PDE3A: variants seen among roughly 807,000 people sequenced by gnomAD.
PDE3A encodes cGMP-inhibited 3',5'-cyclic phosphodiesterase 3A.
Under a neutral mutation model 98.3 loss-of-function variants are expected in PDE3A, and 43 were observed. The observed-to-expected ratio is 0.44, with a 90% CI of 0.34 to 0.56. PDE3A has a LOEUF of 0.56. Ranked by LOEUF, PDE3A falls within the 20% of genes least tolerant of loss-of-function variation. PDE3A has a pLI of 0.01. For synonymous variants in PDE3A, 663 were observed against 567.9 expected, an observed-to-expected ratio of 1.17 and a Z score of -2.38; for missense variants, 1,427 against 1,440.7, an observed-to-expected ratio of 0.99 and a Z score of 0.15.
At chr12:20,588,784 G>T (rs1943249467) in intron 2 of PDE3A, among the ~76,000 whole-genome samples, 1 of 152,162 alleles carries the variant, frequency 6.6e-6, no homozygotes, top group East Asian at 1.9e-4. Flanking sequence ...CTCAGAAGCT[G>T]ACCCTGGGGA....
At chr12:20,391,674 G>A (rs1943918024) in intron 1 of PDE3A, among the ~76,000 whole-genome samples, 1 of 151,582 alleles carries the variant, frequency 6.6e-6, no homozygotes, top group Admixed American at 6.6e-5. Flanking sequence ...TAAAGGTAGA[G>A]CTCAATTTAT....
At chr12:20,558,338 T>G (rs1380731538) in intron 2 of PDE3A, among the ~76,000 whole-genome samples, 1 of 152,056 alleles carries the variant, frequency 6.6e-6, no homozygotes, top group African/African-American at 2.4e-5. Context: ...CAAAAGCTAT[T>G]TTCATAAATA....
Position 20,634,988 on chromosome 12 carries a change from T to A in PDE3A, c.1933T>A (p.Cys645Ser), listed in dbSNP as rs774567664. The change falls in exon 8 of 16, where the codon TGC becomes AGC. Residue 645 changes from cysteine to serine, a missense_variant. Physicochemically the swap from Cys to Ser is moderately radical, Grantham distance 112. Transcript: ENST00000359062. ...DIVQNEDETECLREPLRKASA... is the reference protein window; with the variant it reads ...DIVQNEDETESLREPLRKASA... ...TGTACAGAATGAAGATGAAACAGAG[T>A]GCCTGAGAGAGCCTCTGAGGAAAGC... 1.9e-6 allele frequency: 3 copies of A among 1,612,864 alleles called. No individual in the cohort carries two copies. The highest frequency in any genetic ancestry group is 2.5e-6 in the Non-Finnish European group (3 of 1,178,952).
At chr12:20,512,354 C>A (rs542330307) in intron 1 of PDE3A, among the ~76,000 whole-genome samples, 1 of 151,906 alleles carries the variant, frequency 6.6e-6, no homozygotes, top group Non-Finnish European at 1.5e-5. Flanking sequence ...ACAAAAAATC[C>A]GCTCTGCAAA....
intron 1 of PDE3A, among the ~76,000 whole-genome samples, chr12:20,454,397 AC>A: frequency 6.6e-6 from 1 of 152,286 alleles, no homozygotes; most frequent in East Asian, 1.9e-4. Context: ...TTACCAGCTG[AC>A]ATGTTATTGT....
chr12:20,604,184 A>G (rs987810767), intron 2 of PDE3A, among the ~76,000 whole-genome samples: 1 of 151,616 alleles, frequency 6.6e-6, no homozygotes, highest in Non-Finnish European at 1.5e-5. Context: ...AGAAGAAAAT[A>G]AAAAAGGAAA....
intron 1 of PDE3A, among the ~76,000 whole-genome samples, chr12:20,512,387 G>A (rs551000700): frequency 5.3e-5 from 8 of 152,178 alleles, no homozygotes; most frequent in African/African-American, 1.9e-4. Context: ...TAATTATTTT[G>A]AAGCTGCTCT....
intron 5 of PDE3A, among the ~76,000 whole-genome samples, chr12:20,621,631 A>G (rs1258746932): frequency 1.3e-5 from 2 of 152,138 alleles, no homozygotes; most frequent in Non-Finnish European, 2.9e-5. Context: ...AAGTTGTTGT[A>G]TCAGATTTCC....
intron 15 of PDE3A, among the ~76,000 whole-genome samples, chr12:20,658,422 A>T (rs1945090533): frequency 6.6e-6 from 1 of 152,150 alleles, no homozygotes; most frequent in Admixed American, 6.5e-5. Flanking sequence ...AGTTTGTGTC[A>T]TTTGTGTTGC....
intron 2 of PDE3A, among the ~76,000 whole-genome samples, chr12:20,582,199 CGTT>C (rs10584083): frequency 0.57 from 86,239 of 151,442 alleles, 24,537 homozygotes; most frequent in Admixed American, 0.61. Context: ...TTATTATTAT[CGTT>C]GTTATTATTG....
At chr12:20,624,872 G>A (rs1028196424) in intron 5 of PDE3A, among the ~76,000 whole-genome samples, 2 of 152,174 alleles carry the variant, frequency 1.3e-5, no homozygotes, top group East Asian at 3.9e-4. Flanking sequence ...TGACTGTGAT[G>A]CATCCTGGTT....
intron 1 of PDE3A, chr12:20,551,898 G>T (rs923196788): frequency 7.4e-6 from 12 of 1,613,484 alleles, no homozygotes; most frequent in Non-Finnish European, 9.3e-6. Flanking sequence ...CCATCCCGGG[G>T]ATCCCCGTGG....
chr12:20,579,583 A>G (rs1178729020), intron 2 of PDE3A, among the ~76,000 whole-genome samples: 1 of 152,104 alleles, frequency 6.6e-6, no homozygotes, highest in African/African-American at 2.4e-5. Flanking sequence ...CAGCAGTGTT[A>G]CCATATGCTC....
chr12:20,448,792 C>T (rs984513997), intron 1 of PDE3A, among the ~76,000 whole-genome samples: 1 of 127,116 alleles, frequency 7.9e-6, no homozygotes, highest in Admixed American at 8.7e-5. Context: ...CTTTATTGCC[C>T]TGGCTGGTGT....
intron 1 of PDE3A, among the ~76,000 whole-genome samples, chr12:20,460,209 A>G (rs2120922545): frequency 6.6e-6 from 1 of 152,344 alleles, no homozygotes; most frequent in East Asian, 1.9e-4. Context: ...AGGATAAAGA[A>G]AAATGTAGTT....
chr12:20,381,878 C>T (rs1003999076), intron 1 of PDE3A, among the ~76,000 whole-genome samples: 3 of 151,678 alleles, frequency 2.0e-5, no homozygotes, highest in Admixed American at 2.0e-4. Context: ...CTAACTTCTC[C>T]CCTGTTGATA....
At chr12:20,530,970 G>A (rs1402300343) in intron 1 of PDE3A, among the ~76,000 whole-genome samples, 1 of 152,136 alleles carries the variant, frequency 6.6e-6, no homozygotes, top group African/African-American at 2.4e-5. Context: ...TTGTTAGGAT[G>A]AGCACTCTCC....
chr12:20,542,998 A>T (rs1285309312), intron 1 of PDE3A, among the ~76,000 whole-genome samples: 3 of 152,024 alleles, frequency 2.0e-5, no homozygotes, highest in Non-Finnish European at 2.9e-5. Context: ...CTACTCATTT[A>T]CTCAAATTGA....
intron 1 of PDE3A, among the ~76,000 whole-genome samples, chr12:20,493,724 A>G (rs1435128862): frequency 1.3e-5 from 2 of 152,240 alleles, no homozygotes; most frequent in East Asian, 3.9e-4. Context: ...TCCGACTCCC[A>G]GGTTCAAGCA....
Sources: gnomAD v4.1 joint callset for allele counts (sites outside exome capture counted in the v4.1 genomes callset) on GRCh38, gnomAD v4.1.1 for gene constraint, MANE v1.5 for transcripts, NCBI Gene and HGNC (gene_info 2026-07-23, HGNC 2026-07-21) for gene names.